Variants in RAD18 observed in about 807,000 individuals in gnomAD.
The protein encoded by RAD18 is RAD18 E3 ubiquitin protein ligase.
RAD18 carries 47 observed loss-of-function variants against 60.4 expected under a neutral mutation model. The ratio of observed to expected loss-of-function variants is 0.78; its 90% CI spans 0.62 to 0.99. RAD18 has a LOEUF of 0.99. Ranked by LOEUF, RAD18 falls within the 50% of genes least tolerant of loss-of-function variation. The pLI is 0.00. For missense variants in RAD18, 640 were observed against 593.3 expected, an observed-to-expected ratio of 1.08 and a Z score of -0.82; for synonymous variants, 225 against 195.5, an observed-to-expected ratio of 1.15 and a Z score of -1.26.
intron 2 of RAD18, among the ~76,000 whole-genome samples, chr3:8,956,644 CA>C (rs1473021274): frequency 2.7e-5 from 4 of 150,532 alleles, no homozygotes; most frequent in Non-Finnish European, 5.9e-5. Context: ...CAAAACAAAA[CA>C]AAAACAACGT....
intron 7 of RAD18, among the ~76,000 whole-genome samples, chr3:8,927,255 G>A (rs192077255): frequency 9.5e-4 from 144 of 152,266 alleles, no homozygotes; most frequent in Middle Eastern, 3.4e-3. Context: ...TGAAGGATAC[G>A]AACAGACACT....
At chr3:8,946,926 A>G (rs1422684922) in intron 4 of RAD18, 2 of 253,810 alleles carry the variant, frequency 7.9e-6, no homozygotes, top group African/African-American at 4.5e-5. Context: ...GAAATGGCTG[A>G]TTCTAGGGCT....
At chr3:8,948,364 T>C in intron 3 of RAD18, 145 bp downstream of exon 3, 1 of 647,408 alleles carries the variant, frequency 1.5e-6, no homozygotes. Context: ...ACATGTACTT[T>C]AGAGGTCCTT....
Position 8,958,917 on chromosome 3 carries a change from T to TA in RAD18, c.133+2dup. ...CTAACTCACAGGAACAAAACATACT[T>TA]ACAGTTATGTGAACACTGAGGTATT... On this transcript the variant is annotated splice_region_variant and intron_variant, in intron 2 of 12. Coordinates refer to ENST00000264926, the MANE Select transcript of RAD18 (RefSeq NM_020165.4). 6.2e-7 allele frequency: 1 copy of TA among 1,609,528 alleles called. No individual in the cohort carries two copies. The highest frequency in any genetic ancestry group is 1.1e-5 in the South Asian group (1 of 90,734).
In RAD18 at chr3:8,948,509, C is replaced by T; in HGVS notation, c.195G>A (p.Val65=). 6.2e-7 allele frequency: 1 copy of T among 1,611,104 alleles called. No homozygotes were observed. Among genetic ancestry groups the T allele is most frequent in the Non-Finnish European group, 8.5e-7 (1 of 1,177,984 alleles). The change falls in exon 3 of 13, where the codon GTG becomes GTA. Residue 65 remains valine, a splice_region_variant and synonymous_variant. Coordinates refer to ENST00000264926, the MANE Select transcript of RAD18 (RefSeq NM_020165.4). The part of the protein sequence containing the change: ...SYKTQCPTCC[V]TVTEPDLKNN... ...TTAAAAAAAGGAAACAAAAACTCAC[C>T]ACACAGCAAGTTGGACACTGAGTTT...
At chr3:8,928,403 A>G (rs944151812) in intron 7 of RAD18, among the ~76,000 whole-genome samples, 2 of 152,150 alleles carry the variant, frequency 1.3e-5, no homozygotes, top group African/African-American at 4.8e-5. Context: ...AAATTATAAA[A>G]TAAAATCCAA....
chr3:8,932,387 A>G (rs930193144), intron 7 of RAD18, among the ~76,000 whole-genome samples: 3 of 152,224 alleles, frequency 2.0e-5, no homozygotes, highest in Non-Finnish European at 4.4e-5. Context: ...ATATACAAAT[A>G]GCAAATAAAA....
chr3:8,946,824 C>T (rs1319990146), intron 4 of RAD18: 1 of 166,920 alleles, frequency 6.0e-6, no homozygotes, highest in African/African-American at 2.4e-5. Context: ...TTGAGAGGGC[C>T]TAGAAGCAAT....
At chr3:8,888,748 G>A (rs912345966) in intron 12 of RAD18, among the ~76,000 whole-genome samples, 3 of 152,212 alleles carry the variant, frequency 2.0e-5, no homozygotes, top group African/African-American at 7.2e-5. Context: ...CTCTGGAGCC[G>A]AGCTTCCTTC....
rs976811055 is a variant in RAD18 at position 8,948,346 on chromosome 3, C to G, written c.195+163G>C. Among the ~76,000 whole-genome samples the G allele has an allele frequency of 2.0e-5, 3 of 152,330 alleles. No individual in the cohort carries two copies. The East Asian group carries it at 5.8e-4, about 29-fold the overall frequency. ...AACAAAAAAACTGAACAAAGCCCAG[C>G]TCTTCTTACATGTACTTTAGAGGTC... On this transcript the variant is annotated intron_variant, in intron 3 of 12. Coordinates refer to ENST00000264926, the MANE Select transcript of RAD18 (RefSeq NM_020165.4).
At chr3:8,890,583 G>A in intron 11 of RAD18, 132 bp from the exon 12 acceptor site, 1 of 612,690 alleles carries the variant, frequency 1.6e-6, no homozygotes, top group Non-Finnish European at 2.8e-6. Flanking sequence ...GTAAGAGGAA[G>A]GAGGGAGAGT....
At position 8,958,928 on chromosome 3, in the gene RAD18, G is replaced by GAA; in HGVS notation, c.123_124dup (p.Ser42PhefsTer10). The GAA allele has an allele frequency of 6.2e-7, 1 of 1,612,074 alleles. No individual in the cohort carries two copies. The highest frequency in any genetic ancestry group is 8.5e-7 in the Non-Finnish European group (1 of 1,178,336). On this transcript the variant is annotated frameshift_variant, in exon 2 of 13. Transcript: ENST00000264926. LOFTEE classifies it high-confidence loss of function. ...GAACAAAACATACTTACAGTTATGT[G>GAA]AACACTGAGGTATTATCATTGCAAT...
chr3:8,886,545 A>T lies in RAD18; in HGVS notation c.1385+3844T>A, dbSNP rs188944104. ...CATAAACACTGACTGACTGACTGAC[A>T]GACAGACACATTCATTCATTCACAT... On this transcript the variant is annotated intron_variant, in intron 12 of 12. Coordinates refer to ENST00000264926, the MANE Select transcript of RAD18 (RefSeq NM_020165.4). Among the ~76,000 whole-genome samples, 32 of 152,334 alleles carry T rather than the reference A, an allele frequency of 2.1e-4. 1 individual carries two copies. The East Asian group carries it at 4.6e-3, about 22-fold the overall frequency.
In RAD18 at chr3:8,881,322, A is replaced by G; in HGVS notation, c.*35T>C. The G allele has an allele frequency of 1.3e-6, 2 of 1,503,212 alleles. No homozygotes were observed. The highest frequency in any genetic ancestry group is 9.2e-7 in the Non-Finnish European group (1 of 1,083,878). 93.1% of individuals were successfully genotyped at this position (1,503,212 alleles called of 1,614,324 possible). On this transcript the variant is annotated 3_prime_UTR_variant, in exon 13 of 13. Transcript: ENST00000264926. Reference sequence around the variant, plus strand: ...GTGGCAACCAAAAGTACGGTATTCTAATCAATGCATTTGAAAAGTCAGCAA... The same window carrying G: ...GTGGCAACCAAAAGTACGGTATTCTGATCAATGCATTTGAAAAGTCAGCAA...
intron 7 of RAD18, among the ~76,000 whole-genome samples, chr3:8,918,562 A>C (rs1048408095): frequency 6.6e-6 from 1 of 151,806 alleles, no homozygotes; most frequent in Non-Finnish European, 1.5e-5. Context: ...GGACTGGCTA[A>C]GATCTCAGCA....
intron 1 of RAD18, 35 bp downstream of exon 1, chr3:8,963,300 C>T (rs1405994363): frequency 6.3e-7 from 1 of 1,583,972 alleles, no homozygotes; most frequent in Non-Finnish European, 8.6e-7. Flanking sequence ...CCCCCGCAGA[C>T]ACCCGGGAGC....
intron 2 of RAD18, among the ~76,000 whole-genome samples, chr3:8,954,025 C>T (rs1485782874): frequency 1.3e-5 from 2 of 152,148 alleles, no homozygotes; most frequent in Non-Finnish European, 2.9e-5. Flanking sequence ...CATGAAGTAG[C>T]ACTGTGAAAC....
intron 7 of RAD18, among the ~76,000 whole-genome samples, chr3:8,914,844 A>G (rs892366492): frequency 2.6e-5 from 4 of 152,176 alleles, no homozygotes; most frequent in African/African-American, 9.6e-5. Context: ...CTTGTAAGAT[A>G]TTAAGAAAAC....
intron 2 of RAD18, among the ~76,000 whole-genome samples, chr3:8,956,842 A>C (rs1363659518): frequency 6.6e-6 from 1 of 152,180 alleles, no homozygotes; most frequent in Non-Finnish European, 1.5e-5. Flanking sequence ...AAAAAAACTT[A>C]CAGCTAACAT....
Sources: gnomAD v4.1 joint callset for allele counts (sites outside exome capture counted in the v4.1 genomes callset) on GRCh38, gnomAD v4.1.1 for gene constraint, MANE v1.5 for transcripts, NCBI Gene and HGNC (gene_info 2026-07-23, HGNC 2026-07-21) for gene names.